DDB1: variants seen among roughly 807,000 people sequenced by gnomAD.
The protein encoded by DDB1 is damage specific DNA binding protein 1.
A neutral mutation model predicts 133.1 loss-of-function variants in DDB1; 18 were observed. That is an observed-to-expected ratio of 0.14 (90% CI 0.09 to 0.20). The LOEUF (loss-of-function observed/expected upper bound fraction) is 0.20. Among genes scored for constraint, DDB1 ranks in the 10% least tolerant of loss-of-function variants. The probability of loss-of-function intolerance (pLI) is 1.00; values close to 1 mark genes in which losing one functional copy is unlikely to be tolerated. For synonymous variants in DDB1, 580 were observed against 550.5 expected, an observed-to-expected ratio of 1.05 and a Z score of -0.75; for missense variants, 828 against 1,459.2, an observed-to-expected ratio of 0.57 and a Z score of 7.05.
intron 10 of DDB1, among the ~76,000 whole-genome samples, chr11:61,316,954 T>G (rs1344493488): frequency 1.6e-3 from 15 of 9,438 alleles, no homozygotes; most frequent in South Asian, 3.3e-3. Flanking sequence ...TAGATATATA[T>G]ATATATATAT....
chr11:61,310,007 G>C, intron 19 of DDB1, 47 bp from the exon 20 acceptor site: 1 of 1,611,420 alleles, frequency 6.2e-7, no homozygotes. Context: ...ACCCATATCT[G>C]CACGCACACA....
At chr11:61,323,409 C>T in intron 7 of DDB1, 1 of 295,758 alleles carries the variant, frequency 3.4e-6, no homozygotes, top group Non-Finnish European at 6.4e-6. Flanking sequence ...CAGCAATAAT[C>T]TTTTTTTTTT....
At chr11:61,320,668 T>G (rs7934735) in intron 10 of DDB1, among the ~76,000 whole-genome samples, 27,230 of 151,796 alleles carry the variant, frequency 0.18, 7,393 homozygotes, top group African/African-American at 0.59. Context: ...AGGACTACAG[T>G]CACACGCCAC....
rs1229242477 is a variant in DDB1 at position 61,299,727 on chromosome 11, C to G, written c.*409G>C. On this transcript the variant is annotated 3_prime_UTR_variant, in exon 27 of 27. Coordinates refer to ENST00000301764, the MANE Select transcript of DDB1 (RefSeq NM_001923.5). Reference sequence around the variant, plus strand: ...ACCCTCTTCCCCACTACCCACAACTCCCTACACTGCCAATCTAAATAAAAA... The same window carrying G: ...ACCCTCTTCCCCACTACCCACAACTGCCTACACTGCCAATCTAAATAAAAA... 4.2e-6 allele frequency: 1 copy of G among 235,572 alleles called. No homozygotes were observed. The highest frequency in any genetic ancestry group is 8.5e-6 in the Non-Finnish European group (1 of 117,866). The allele number at this position is 235,572 out of a possible 1,614,324, so 14.6% of individuals were successfully genotyped here.
At chr11:61,301,054 T>A in intron 25 of DDB1, 122 bp from the exon 26 acceptor site, 1 of 1,407,736 alleles carries the variant, frequency 7.1e-7, no homozygotes, top group Non-Finnish European at 9.6e-7. Flanking sequence ...GACACTTCCT[T>A]TCGCCTTGCT....
intron 21 of DDB1, among the ~76,000 whole-genome samples, chr11:61,307,125 C>T (rs1269657469): frequency 1.3e-5 from 2 of 152,250 alleles, no homozygotes; most frequent in Non-Finnish European, 2.9e-5. Flanking sequence ...CAATGGCTCT[C>T]TTTCTAACAT....
chr11:61,322,120 C>T (rs1018521926), intron 9 of DDB1, 176 bp downstream of exon 9: 2 of 645,070 alleles, frequency 3.1e-6, no homozygotes, highest in South Asian at 2.0e-5. Flanking sequence ...ATATAAAGTG[C>T]CTGGCAGACC....
At chr11:61,328,934 A>C (rs1360366051) in intron 4 of DDB1, among the ~76,000 whole-genome samples, 3 of 152,200 alleles carry the variant, frequency 2.0e-5, no homozygotes, top group African/African-American at 7.2e-5. Flanking sequence ...TACTGGACAA[A>C]ATGTAAACCT....
At position 61,313,527 on chromosome 11, in the gene DDB1, G is replaced by A. The variant is rs1258664887; in HGVS notation, c.2041C>T (p.Pro681Ser). Residue 681 changes from proline to serine, a missense_variant, in exon 16 of 27, where the codon CCC (proline) becomes TCC (serine). By Grantham distance (74) the Pro-to-Ser change is moderately conservative (BLOSUM62 -1). This residue lies in a region of DDB1 where 396 missense variants were observed against 554.1 expected (regional missense o/e 0.71). Coordinates refer to ENST00000301764, the MANE Select transcript of DDB1 (RefSeq NM_001923.5). ...VNLKEVNYMC[P>S]LNSDGYPDSL... ...TCAGGATAGCCATCTGAATTGAGGG[G>A]ACACATGTAGTTCACTTCCTTGAGG... The A allele has an allele frequency of 1.9e-6, 3 of 1,614,036 alleles. No homozygotes were observed. Among genetic ancestry groups the A allele is most frequent in the Non-Finnish European group, 2.5e-6 (3 of 1,180,026 alleles).
At chr11:61,301,043 T>C (rs1041440371) in intron 25 of DDB1, 111 bp from the exon 26 acceptor site, 3 of 1,466,638 alleles carry the variant, frequency 2.0e-6, no homozygotes, top group African/African-American at 2.8e-5. Context: ...AGAAAGGAAA[T>C]GACACTTCCT....
At position 61,306,063 on chromosome 11, in the gene DDB1, G is replaced by A. The variant is rs138640956; in HGVS notation, c.2662-2028C>T. Among the ~76,000 whole-genome samples the A allele has an allele frequency of 4.6e-5, 7 of 152,262 alleles. No individual in the cohort carries two copies. In the East Asian group the frequency reaches 1.3e-3, roughly 29 times the overall value. On this transcript the variant is annotated intron_variant, in intron 21 of 26. Transcript: ENST00000301764. ...ATGTGGCTACTAGAAAATTCAGAAT[G>A]ACATACATCGCTCATATAATATTTC...
At chr11:61,307,443 T>A (rs1283733989) in intron 21 of DDB1, among the ~76,000 whole-genome samples, 2 of 152,230 alleles carry the variant, frequency 1.3e-5, no homozygotes, top group Admixed American at 6.5e-5. Flanking sequence ...CTGCTTCAGA[T>A]AACTTTTTCT....
chr11:61,320,243 C>G (rs1443396563), intron 10 of DDB1, among the ~76,000 whole-genome samples: 1 of 151,720 alleles, frequency 6.6e-6, no homozygotes, highest in Non-Finnish European at 1.5e-5. Context: ...CTATGTGGCC[C>G]AGGCTGTAGT....
At chr11:61,332,802 G>T in intron 1 of DDB1, 106 bp downstream of exon 1, 1 of 1,003,838 alleles carries the variant, frequency 1.0e-6, no homozygotes, top group Non-Finnish European at 1.3e-6. Flanking sequence ...CCTTCCATTC[G>T]CCGGGCCCAC....
Position 61,329,987 on chromosome 11 carries a change from T to C in DDB1, c.298A>G (p.Ile100Val), listed in dbSNP as rs762255768. The change falls in exon 3 of 27, where the codon ATC becomes GTC. Residue 100 changes from isoleucine (I) to valine (V), a missense_variant. Around this residue, in one of 7 missense-constraint regions of DDB1, gnomAD observed 210 missense variants for 344.8 expected, o/e 0.61. Transcript: ENST00000301764. ...EYKQSGESID[I>V]ITRAHGNVQD... ...ACATTGCCATGGGCTCGCGTAATGA[T>C]GTCAATGCTCTCGCCACTCTGTTTA... 1.4e-5 allele frequency: 22 copies of C among 1,613,682 alleles called. No homozygotes were observed. The highest frequency in any genetic ancestry group is 1.7e-5 in the Non-Finnish European group (20 of 1,179,728).
intron 21 of DDB1, 89 bp from the exon 22 acceptor site, chr11:61,304,124 C>T: frequency 6.8e-7 from 1 of 1,473,376 alleles, no homozygotes; most frequent in Non-Finnish European, 9.4e-7. Flanking sequence ...ATCTGCAGCA[C>T]TACTTCTCAA....
Position 61,333,061 on chromosome 11 carries a change from G to T in DDB1, c.-93C>A. The T allele has an allele frequency of 6.7e-6, 8 of 1,201,708 alleles. No individual in the cohort carries two copies. Among genetic ancestry groups the T allele is most frequent in the South Asian group, 1.7e-5 (1 of 58,692 alleles). The allele number at this position is 1,201,708 out of a possible 1,614,324, so 74.4% of individuals were successfully genotyped here. ...CAGGTGGCCCCCAACAGCGCGCAGC[G>T]AACTCCACTGCCGCTGCCTCCGCCC... On this transcript the variant is annotated 5_prime_UTR_variant, in exon 1 of 27. Transcript: ENST00000301764.
chr11:61,304,480 A>G (rs937813320), intron 21 of DDB1, among the ~76,000 whole-genome samples: 13 of 152,098 alleles, frequency 8.5e-5, no homozygotes, highest in African/African-American at 3.1e-4. Flanking sequence ...AAAAAGAAAG[A>G]AAGAAAGAAA....
chr11:61,306,872 G>C (rs924098285), intron 21 of DDB1, among the ~76,000 whole-genome samples: 1 of 152,134 alleles, frequency 6.6e-6, no homozygotes, highest in South Asian at 2.1e-4. Context: ...TAACTGAAAG[G>C]GGGTTCCTAA....
Sources: gnomAD v4.1 joint callset for allele counts (sites outside exome capture counted in the v4.1 genomes callset) on GRCh38, gnomAD v4.1.1 for gene constraint, gnomAD v4.1.1 regional missense constraint, MANE v1.5 for transcripts, NCBI Gene and HGNC (gene_info 2026-07-23, HGNC 2026-07-21) for gene names.